PTPRE: variants seen among roughly 807,000 people sequenced by gnomAD.
PTPRE encodes the protein protein tyrosine phosphatase receptor type E.
In PTPRE, 51 loss-of-function variants were observed where a neutral mutation model predicts 102.0. The observed-to-expected ratio is 0.50, with a 90% CI of 0.40 to 0.63. The LOEUF (loss-of-function observed/expected upper bound fraction) is 0.63. Among genes scored for constraint, PTPRE ranks in the 30% least tolerant of loss-of-function variants. The pLI, the probability that PTPRE is intolerant of heterozygous loss-of-function variation, is 0.00. For missense variants in PTPRE, 752 were observed against 915.1 expected (o/e 0.82, Z 2.30); for synonymous variants, 345 against 348.2 (o/e 0.99, Z 0.10).
chr10:127,926,595 G>T (rs901292478), intron 1 of PTPRE, among the ~76,000 whole-genome samples: 1 of 152,112 alleles, frequency 6.6e-6, no homozygotes, highest in African/African-American at 2.4e-5. Context: ...TGGTGTGGGC[G>T]TGAGGAGCAA....
intron 3 of PTPRE, among the ~76,000 whole-genome samples, chr10:128,042,186 G>A (rs910142218): frequency 3.3e-5 from 5 of 152,072 alleles, no homozygotes; most frequent in Admixed American, 2.6e-4. Flanking sequence ...AACGCTAATC[G>A]ACTGGCCACG....
intron 2 of PTPRE, among the ~76,000 whole-genome samples, chr10:128,019,213 T>C (rs963472425): frequency 2.0e-5 from 3 of 152,234 alleles, no homozygotes; most frequent in African/African-American, 7.2e-5. Context: ...CCCTGCCCCT[T>C]GCTCACTGCA....
intron 2 of PTPRE, among the ~76,000 whole-genome samples, chr10:127,986,794 G>A (rs1422805111): frequency 6.6e-6 from 1 of 152,224 alleles, no homozygotes; most frequent in Non-Finnish European, 1.5e-5. Context: ...GCATCCGCTG[G>A]GGTGACGTTT....
At chr10:128,079,781 G>A in intron 20 of PTPRE, 86 bp downstream of exon 20, 4 of 1,468,152 alleles carry the variant, frequency 2.7e-6, no homozygotes, top group Non-Finnish European at 3.7e-6. Context: ...AGGACCTTAA[G>A]TACATGGGGG....
chr10:128,037,417 C>T (rs1847308516), intron 2 of PTPRE, among the ~76,000 whole-genome samples: 1 of 152,226 alleles, frequency 6.6e-6, no homozygotes, highest in African/African-American at 2.4e-5. Context: ...CACCTTTGCT[C>T]CTTGGCACAT....
chr10:127,912,735 A>C (rs1333528230), intron 1 of PTPRE, among the ~76,000 whole-genome samples: 1 of 152,236 alleles, frequency 6.6e-6, no homozygotes, highest in Non-Finnish European at 1.5e-5. Context: ...GGGCAGGTAC[A>C]TGACTCTGTC....
At chr10:128,049,861 A>C (rs1159066258) in intron 6 of PTPRE, among the ~76,000 whole-genome samples, 195 bp downstream of exon 6, 1 of 151,974 alleles carries the variant, frequency 6.6e-6, no homozygotes, top group Non-Finnish European at 1.5e-5. Context: ...CTCATTTATA[A>C]GATGAGACAG....
Position 128,067,693 on chromosome 10 carries a change from G to C in PTPRE, c.844-430G>C, listed in dbSNP as rs113288604. Among the ~76,000 whole-genome samples the C allele has an allele frequency of 4.4e-3, 669 of 152,366 alleles. 4 individuals are homozygous for C. Among genetic ancestry groups the C allele is most frequent in the African/African-American group, 0.014 (598 of 41,582 alleles). The stretch of plus-strand genomic sequence containing the variant: ...TCTGGGAGACTCCAAAGAGCAGGCC[G>C]ACTGCATCATCTGTCCTCCCAAATG... On this transcript the variant is annotated intron_variant, in intron 11 of 20. Coordinates refer to ENST00000254667, the MANE Select transcript of PTPRE (RefSeq NM_006504.6).
chr10:127,981,918 A>C (rs1369198348), intron 1 of PTPRE, among the ~76,000 whole-genome samples: 1 of 152,190 alleles, frequency 6.6e-6, no homozygotes, highest in Non-Finnish European at 1.5e-5. Context: ...ACCAGGTTGT[A>C]AAAGGCTCTT....
rs760268577 is a variant in PTPRE at position 128,077,641 on chromosome 10, G to A, written c.1750G>A (p.Val584Ile). Reference sequence around the variant, plus strand: ...GCCCCAGGCCCGCCAGGAGGAGCAGGTCCGAGTAGTGCGCCAGTTTCACTT... The same window carrying A: ...GCCCCAGGCCCGCCAGGAGGAGCAGATCCGAGTAGTGCGCCAGTTTCACTT... ...NQPQARQEEQ[V>I]RVVRQFHFHG... The change falls in exon 19 of 21, where the codon GTC becomes ATC. Residue 584 changes from valine to isoleucine, a missense_variant. By Grantham distance (29) the Val-to-Ile change is conservative. Around this residue, in one of 2 missense-constraint regions of PTPRE, gnomAD observed 636 missense variants for 824.4 expected, o/e 0.77. Coordinates refer to ENST00000254667, the MANE Select transcript of PTPRE (RefSeq NM_006504.6). 1 of 1,613,040 alleles carries A rather than the reference G, an allele frequency of 6.2e-7. No homozygotes were observed. The highest frequency in any genetic ancestry group is 8.5e-7 in the Non-Finnish European group (1 of 1,179,316).
At position 128,071,162 on chromosome 10, in the gene PTPRE, C is replaced by G. The variant is rs1420640677; in HGVS notation, c.1387+261C>G. The G allele has an allele frequency of 1.4e-5, 7 of 492,962 alleles. No individual in the cohort carries two copies. The South Asian group carries it at 1.7e-4, about 12-fold the overall frequency. The allele number at this position is 492,962 out of a possible 1,614,324, so 30.5% of individuals were successfully genotyped here. A position where few individuals can be genotyped will look rare whatever the true frequency, so the allele number is the denominator to read the frequency against. On this transcript the variant is annotated intron_variant, in intron 15 of 20. Coordinates refer to ENST00000254667, the MANE Select transcript of PTPRE (RefSeq NM_006504.6). ...ATATGAGCTTGCAGATGCGGGAGGGCAGCCGAGGCTGATTTCAGGGGAGGG... is the reference window on the plus strand; with the variant it reads ...ATATGAGCTTGCAGATGCGGGAGGGGAGCCGAGGCTGATTTCAGGGGAGGG...
At chr10:128,011,035 T>C (rs1254891811) in intron 2 of PTPRE, among the ~76,000 whole-genome samples, 1 of 152,230 alleles carries the variant, frequency 6.6e-6, no homozygotes, top group African/African-American at 2.4e-5. Context: ...CTTTGAGTTA[T>C]AGTCTCCAGA....
chr10:127,967,903 C>T (rs1158197266), intron 1 of PTPRE, among the ~76,000 whole-genome samples: 3 of 152,122 alleles, frequency 2.0e-5, no homozygotes, highest in East Asian at 3.8e-4. Flanking sequence ...TAGATTATAT[C>T]GAAGTATTTT....
intron 5 of PTPRE, 33 bp from the exon 6 acceptor site, chr10:128,049,497 T>C (rs943694251): frequency 3.7e-6 from 6 of 1,611,296 alleles, no homozygotes; most frequent in Middle Eastern, 1.6e-4. Context: ...GGAATGTGGC[T>C]AAATGGCCCC....
rs537163632 is a variant in PTPRE at position 127,919,267 on chromosome 10, A to G, written c.-31+11958A>G. ...CTTTCTCATAGGTTTGAATATAACT[A>G]GAAACATAATTTTTGTCCAAGTCTT... On this transcript the variant is annotated intron_variant, in intron 1 of 20. Transcript: ENST00000254667. 6.6e-5 allele frequency among the ~76,000 whole-genome samples: 10 copies of G among 152,352 alleles called. No individual in the cohort carries two copies. The East Asian group carries it at 1.9e-3, about 29-fold the overall frequency.
At chr10:127,974,327 A>G (rs930248869) in intron 1 of PTPRE, among the ~76,000 whole-genome samples, 37 of 152,198 alleles carry the variant, frequency 2.4e-4, no homozygotes, top group Non-Finnish European at 4.9e-4. Flanking sequence ...AACTGTTGTG[A>G]CTTGTTCCAA....
intron 10 of PTPRE, among the ~76,000 whole-genome samples, chr10:128,065,686 G>A (rs922468190): frequency 2.0e-5 from 3 of 152,222 alleles, no homozygotes; most frequent in African/African-American, 7.2e-5. Flanking sequence ...AGTGGGAAAT[G>A]TCTGGGGGGA....
At chr10:127,922,380 G>A (rs534152390) in intron 1 of PTPRE, among the ~76,000 whole-genome samples, 23 of 152,366 alleles carry the variant, frequency 1.5e-4, no homozygotes, top group African/African-American at 5.3e-4. Flanking sequence ...GTCCCGTAAG[G>A]GGCTGTCTGT....
At chr10:127,920,447 C>T (rs1846514959) in intron 1 of PTPRE, among the ~76,000 whole-genome samples, 2 of 152,180 alleles carry the variant, frequency 1.3e-5, no homozygotes, top group African/African-American at 4.8e-5. Flanking sequence ...GCACCCTGCC[C>T]TGCTTCTTCA....
Sources: allele counts gnomAD v4.1 joint callset (sites outside exome capture counted in the v4.1 genomes callset), GRCh38; gene constraint gnomAD v4.1.1; regional missense constraint gnomAD v4.1.1; transcripts MANE v1.5; gene names NCBI Gene and HGNC (gene_info 2026-07-23, HGNC 2026-07-21).